SGCD: variants seen among roughly 807,000 people sequenced by gnomAD.
SGCD encodes the protein delta-sarcoglycan.
A neutral mutation model predicts 36.6 loss-of-function variants in SGCD; 18 were observed. The observed-to-expected ratio is 0.49, with a 90% CI of 0.34 to 0.73. The LOEUF (loss-of-function observed/expected upper bound fraction) is 0.73. Ranked by LOEUF, SGCD falls within the 30% of genes least tolerant of loss-of-function variation. SGCD has a pLI of 0.01. For synonymous variants in SGCD, 133 were observed against 130.6 expected (o/e 1.02, Z -0.12); for missense variants, 387 against 346.7 (o/e 1.12, Z -0.92).
chr5:155,929,956 A>C (rs1200105136), intron 1 of SGCD, among the ~76,000 whole-genome samples: 17 of 152,164 alleles, frequency 1.1e-4, no homozygotes, highest in Non-Finnish European at 1.5e-4. Flanking sequence ...TGTGTCCTTT[A>C]AAGCTCAAAT....
intron 3 of SGCD, among the ~76,000 whole-genome samples, chr5:156,473,430 A>G (rs537106221): frequency 1.3e-5 from 2 of 152,362 alleles, no homozygotes; most frequent in East Asian, 3.9e-4. Context: ...CAGGATAGAG[A>G]GGGACATTGT....
At chr5:156,467,868 T>A in intron 3 of SGCD, among the ~76,000 whole-genome samples, 1 of 152,210 alleles carries the variant, frequency 6.6e-6, no homozygotes, top group East Asian at 1.9e-4. Context: ...ACATCAACTT[T>A]GGACTAAGGA....
At chr5:156,611,497 T>C (rs2113462695) in intron 6 of SGCD, among the ~76,000 whole-genome samples, 1 of 152,368 alleles carries the variant, frequency 6.6e-6, no homozygotes, top group Non-Finnish European at 1.5e-5. Context: ...AGATATTTTC[T>C]TATTTATGAC....
chr5:156,140,123 C>T (rs1762544134), intron 3 of SGCD, among the ~76,000 whole-genome samples: 1 of 152,130 alleles, frequency 6.6e-6, no homozygotes, highest in African/African-American at 2.4e-5. Context: ...TATAAATTAC[C>T]CAGTCTGTGC....
intron 3 of SGCD, among the ~76,000 whole-genome samples, chr5:156,459,481 C>G (rs1034217370): frequency 2.0e-5 from 3 of 152,088 alleles, no homozygotes; most frequent in Admixed American, 1.3e-4. Context: ...TTGCCTGTGT[C>G]TTGGAGGAAT....
chr5:156,663,380 T>C (rs1457710293), intron 7 of SGCD, among the ~76,000 whole-genome samples: 1 of 145,274 alleles, frequency 6.9e-6, no homozygotes, highest in African/African-American at 2.6e-5. Context: ...CCCTTCAAAC[T>C]GTTTTCCTTG....
At chr5:155,766,198 G>A in the SGCD span, among the ~76,000 whole-genome samples, 9 of 152,096 alleles carry the variant, frequency 5.9e-5, no homozygotes, top group Admixed American at 4.6e-4. Flanking sequence ...TAGTCTCAGG[G>A]AACAGGAAGC....
At chr5:156,360,237 C>A (rs1396807999) in intron 3 of SGCD, among the ~76,000 whole-genome samples, 1 of 144,810 alleles carries the variant, frequency 6.9e-6, no homozygotes, top group Non-Finnish European at 1.5e-5. Context: ...TATACCTACC[C>A]TTTCCTAATT....
chr5:156,600,174 A>G (rs900601561), intron 6 of SGCD, among the ~76,000 whole-genome samples: 7 of 152,154 alleles, frequency 4.6e-5, no homozygotes, highest in African/African-American at 1.7e-4. Flanking sequence ...ACATTCAAAA[A>G]CCAGTCTTGT....
intron 2 of SGCD, chr5:156,118,093 TC>T (rs1761946499): frequency 6.6e-6 from 1 of 152,144 alleles, no homozygotes; most frequent in Non-Finnish European, 1.5e-5. Flanking sequence ...GTGGTCCAAT[TC>T]TTCCTTCACA....
At chr5:156,522,320 T>A (rs925924697) in intron 4 of SGCD, among the ~76,000 whole-genome samples, 6 of 152,156 alleles carry the variant, frequency 3.9e-5, no homozygotes, top group Admixed American at 3.9e-4. Flanking sequence ...TGTGCACATG[T>A]ACCCTAGAAC....
intron 4 of SGCD, among the ~76,000 whole-genome samples, chr5:156,561,500 A>G (rs930547450): frequency 6.6e-6 from 1 of 152,236 alleles, no homozygotes; most frequent in South Asian, 2.1e-4. Flanking sequence ...AAACTCATAG[A>G]GAGGTTTCTC....
chr5:156,688,842 C>A (rs1360725866), intron 7 of SGCD, among the ~76,000 whole-genome samples: 1 of 152,218 alleles, frequency 6.6e-6, no homozygotes, highest in African/African-American at 2.4e-5. Context: ...GCTATCATAT[C>A]TCTTGTGCAA....
At chr5:156,213,414 C>T (rs1324603108) in intron 3 of SGCD, among the ~76,000 whole-genome samples, 1 of 151,990 alleles carries the variant, frequency 6.6e-6, no homozygotes, top group East Asian at 1.9e-4. Context: ...ATGACCAAAT[C>T]ATGAATACAC....
chr5:156,267,838 C>CT (rs1393990402), intron 3 of SGCD, among the ~76,000 whole-genome samples: 5 of 151,944 alleles, frequency 3.3e-5, no homozygotes, highest in Non-Finnish European at 5.9e-5. Flanking sequence ...TTTAGGCTGT[C>CT]TTTTTTTTAA....
chr5:155,895,291 A>G (rs751278660), intron 1 of SGCD, among the ~76,000 whole-genome samples: 1 of 152,216 alleles, frequency 6.6e-6, no homozygotes, highest in Non-Finnish European at 1.5e-5. Context: ...GATCTGATTA[A>G]TTAAGTGCTG....
At chr5:156,375,888 TTTCTC>T (rs1181078615) in intron 3 of SGCD, among the ~76,000 whole-genome samples, 1 of 152,126 alleles carries the variant, frequency 6.6e-6, no homozygotes, top group Admixed American at 6.6e-5. Flanking sequence ...GCTTTAAAAT[TTTCTC>T]TTTTATTTAT....
At chr5:155,941,592 CTA>C (rs1757328703) in intron 1 of SGCD, among the ~76,000 whole-genome samples, 1 of 150,970 alleles carries the variant, frequency 6.6e-6, no homozygotes, top group Non-Finnish European at 1.5e-5. Context: ...ATTTAAATAA[CTA>C]TAATTACATT....
intron 3 of SGCD, among the ~76,000 whole-genome samples, chr5:156,241,665 T>C (rs1022485863): frequency 3.3e-5 from 5 of 152,190 alleles, no homozygotes; most frequent in African/African-American, 7.2e-5. Flanking sequence ...CATTCAACAA[T>C]TGCTAGATTA....
Sources: gnomAD v4.1 joint callset for allele counts (sites outside exome capture counted in the v4.1 genomes callset) on GRCh38, gnomAD v4.1.1 for gene constraint, MANE v1.5 for transcripts, NCBI Gene and HGNC (gene_info 2026-07-23, HGNC 2026-07-21) for gene names.